FBF1: variants seen among roughly 807,000 people sequenced by gnomAD.
FBF1 encodes the protein fas-binding factor 1.
A neutral mutation model predicts 147.2 loss-of-function variants in FBF1; 119 were observed. The ratio of observed to expected loss-of-function variants is 0.81; its 90% CI spans 0.70 to 0.94. FBF1 has a LOEUF of 0.94. Among genes scored for constraint, FBF1 ranks in the 40% least tolerant of loss-of-function variants. The pLI is 0.00. For missense variants in FBF1, 1,449 were observed against 1,500.8 expected (o/e 0.97, Z 0.57); for synonymous variants, 601 against 609.0 (o/e 0.99, Z 0.19).
rs1038214641 is a variant in FBF1 at position 75,910,808 on chromosome 17, T to C, written c.3364-2A>G. ...TTCATTCTCCAAGAAGTCACGGTCC[T>C]GCAAGGCAGGTTTGGATGGGCGGTC... On this transcript the variant is annotated splice_acceptor_variant, in intron 29 of 29. Transcript: ENST00000636174. LOFTEE classifies it high-confidence loss of function. The surrounding 1 kb of genome is among the most constrained non-coding windows in gnomAD (Gnocchi z 4.1). 1.7e-5 allele frequency: 28 copies of C among 1,607,012 alleles called. No homozygotes were observed. In the African/African-American group the frequency reaches 3.7e-4, roughly 21 times the overall value.
At position 75,921,563 on chromosome 17, in the gene FBF1, G is replaced by A. The variant is rs1259796353; in HGVS notation, c.1527-3C>T. On this transcript the variant is annotated splice_region_variant and splice_polypyrimidine_tract_variant and intron_variant, in intron 15 of 29. Coordinates refer to ENST00000636174, the MANE Select transcript of FBF1 (RefSeq NM_001319193.2). The stretch of plus-strand genomic sequence containing the variant: ...CATGGTTCTGAGTCACAGGGGACCT[G>A]AGGACACAGGGATGGGGCATGGTGA... 4 of 1,608,270 alleles carry A rather than the reference G, an allele frequency of 2.5e-6. No individual in the cohort carries two copies. Among genetic ancestry groups the A allele is most frequent in the Non-Finnish European group, 3.4e-6 (4 of 1,177,014 alleles).
intron 6 of FBF1, chr17:75,930,259 CAGAG>C: frequency 1.7e-6 from 1 of 585,470 alleles, no homozygotes; most frequent in Non-Finnish European, 3.1e-6. Flanking sequence ...TTTAGAGACT[CAGAG>C]AGCACTGCCA....
At position 75,926,433 on chromosome 17, in the gene FBF1, G is replaced by C; in HGVS notation, c.596-7C>G. The stretch of plus-strand genomic sequence containing the variant: ...GTTAGAGGAATAGAGGGACCTGAAA[G>C]ACAAAACAAGGCCCAATGCCTGCAG... On this transcript the variant is annotated splice_polypyrimidine_tract_variant and splice_region_variant and intron_variant, in intron 10 of 29. Transcript: ENST00000636174. 6.4e-7 allele frequency: 1 copy of C among 1,551,014 alleles called. No homozygotes were observed. Among genetic ancestry groups the C allele is most frequent in the Non-Finnish European group, 8.7e-7 (1 of 1,151,052 alleles).
intron 11 of FBF1, 59 bp from the exon 12 acceptor site, chr17:75,926,222 C>A (rs993740243): frequency 2.2e-5 from 35 of 1,604,968 alleles, no homozygotes; most frequent in Non-Finnish European, 2.9e-5. Flanking sequence ...GGGAATCCCA[C>A]AGTACCCGTC....
intron 29 of FBF1, 111 bp downstream of exon 29, chr17:75,912,081 C>G: frequency 9.5e-7 from 1 of 1,056,626 alleles, no homozygotes; most frequent in South Asian, 1.4e-5. Flanking sequence ...GTTTTACTCC[C>G]CAGGAGCTGG....
In FBF1 at chr17:75,938,311, A is replaced by AG. The variant is rs1202747090; in HGVS notation, c.-83-80dup. Reference sequence around the variant, plus strand: ...GCCATGGCTCACGCCTGTTAATCCCAGCACTTTCAGAGGCCAAGGCGGGGG... The same window carrying AG: ...GCCATGGCTCACGCCTGTTAATCCCAGGCACTTTCAGAGGCCAAGGCGGGGG... On this transcript the variant is annotated intron_variant, in intron 1 of 29. Coordinates refer to ENST00000636174, the MANE Select transcript of FBF1 (RefSeq NM_001319193.2). 2.8e-6 allele frequency: 3 copies of AG among 1,055,662 alleles called. No individual in the cohort carries two copies. In the African/African-American group the frequency reaches 4.8e-5, roughly 17 times the overall value. 65.4% of individuals were successfully genotyped at this position (1,055,662 alleles called of 1,614,324 possible).
chr17:75,929,628 C>T (rs1407991021), intron 7 of FBF1, among the ~76,000 whole-genome samples: 1 of 152,128 alleles, frequency 6.6e-6, no homozygotes, highest in Non-Finnish European at 1.5e-5. Flanking sequence ...TTGAAGGGGG[C>T]TTGGCAGGGG....
intron 1 of FBF1, among the ~76,000 whole-genome samples, chr17:75,939,582 G>A (rs568392564): frequency 5.2e-4 from 79 of 151,762 alleles, no homozygotes; most frequent in Non-Finnish European, 1.1e-3. Flanking sequence ...TTTTTTTCGA[G>A]ACGGGGTCTC....
intron 23 of FBF1, among the ~76,000 whole-genome samples, chr17:75,916,725 A>C (rs2065491420): frequency 6.6e-6 from 1 of 152,278 alleles, no homozygotes; most frequent in South Asian, 2.1e-4. Flanking sequence ...GGTAGCATCG[A>C]AAGATTCATT....
intron 6 of FBF1, 88 bp from the exon 7 acceptor site, chr17:75,930,135 G>C: frequency 4.7e-6 from 5 of 1,059,218 alleles, no homozygotes; most frequent in Non-Finnish European, 7.1e-6. Context: ...CCTTGCTTCT[G>C]TTAGGGCAGA....
At chr17:75,937,982 G>A (rs750921971) in intron 2 of FBF1, 165 bp downstream of exon 2, 6 of 1,031,840 alleles carry the variant, frequency 5.8e-6, no homozygotes, top group Non-Finnish European at 8.6e-6. Context: ...AACCTTGGTC[G>A]TCGAAAGTTT....
chr17:75,936,610 G>A (rs56204566), intron 3 of FBF1, among the ~76,000 whole-genome samples: 152 of 152,222 alleles, frequency 1.0e-3, no homozygotes, highest in Middle Eastern at 3.4e-3. Flanking sequence ...GGGAGGCAGA[G>A]GTTGCAGTGA....
In FBF1 at chr17:75,919,969, T is replaced by C. The variant is rs2065513855; in HGVS notation, c.1931+38A>G. ...CACTGGGTGGCCTTTGGGGTCAGTGTGAGATCCAAGGCAGAGCTGGGGCCA... is the reference window on the plus strand; with the variant it reads ...CACTGGGTGGCCTTTGGGGTCAGTGCGAGATCCAAGGCAGAGCTGGGGCCA... On this transcript the variant is annotated intron_variant, in intron 19 of 29. Coordinates refer to ENST00000636174, the MANE Select transcript of FBF1 (RefSeq NM_001319193.2). This position sits in a 1 kb window ranked among gnomAD's most constrained non-coding sequence, Gnocchi z 5.0. The C allele has an allele frequency of 6.2e-7, 1 of 1,601,964 alleles. No homozygotes were observed. Among genetic ancestry groups the C allele is most frequent in the Non-Finnish European group, 8.5e-7 (1 of 1,170,118 alleles).
Position 75,928,310 on chromosome 17 carries a change from A to G in FBF1, c.280-117T>C. 1.3e-6 allele frequency: 1 copy of G among 783,654 alleles called. No homozygotes were observed. Among genetic ancestry groups the G allele is most frequent in the South Asian group, 1.6e-5 (1 of 63,136 alleles). 48.5% of individuals were successfully genotyped at this position (783,654 alleles called of 1,614,324 possible). A position where few individuals can be genotyped will look rare whatever the true frequency, so the allele number is the denominator to read the frequency against. On this transcript the variant is annotated intron_variant, in intron 7 of 29. Coordinates refer to ENST00000636174, the MANE Select transcript of FBF1 (RefSeq NM_001319193.2). This position sits in a 1 kb window ranked among gnomAD's most constrained non-coding sequence, Gnocchi z 4.2. ...GTAGAATTGTGAGAAAACAAAGGAAAATGAGAAAACTGTTGAGAAAAACAG... is the reference window on the plus strand; with the variant it reads ...GTAGAATTGTGAGAAAACAAAGGAAGATGAGAAAACTGTTGAGAAAAACAG...
At position 75,914,255 on chromosome 17, in the gene FBF1, T is replaced by C. The variant is rs773199429; in HGVS notation, c.2858A>G (p.Glu953Gly). ...LKIRASELRA[E>G]EKQLAAERAA... ...TCTCTCCGCTGCCAGCTGCTTCTCC[T>C]CGGCCCGGAGCTCGCTGGCCCTGAT... is the stretch of plus-strand genomic sequence containing the variant. The change falls in exon 26 of 30, where the codon GAG becomes GGG. Residue 953 changes from glutamate (E) to glycine (G), a missense_variant. Physicochemically the swap from Glu to Gly is moderately conservative, Grantham distance 98. Coordinates refer to ENST00000636174, the MANE Select transcript of FBF1 (RefSeq NM_001319193.2). 4.0e-5 allele frequency: 64 copies of C among 1,593,540 alleles called. No individual in the cohort carries two copies. The highest frequency in any genetic ancestry group is 5.4e-5 in the Non-Finnish European group (63 of 1,173,072).
In FBF1 at chr17:75,914,929, C is replaced by T. The variant is rs1437733338; in HGVS notation, c.2632G>A (p.Ala878Thr). The change falls in exon 25 of 30, where the codon GCC becomes ACC. Residue 878 changes from alanine (A) to threonine (T), a missense_variant. Transcript: ENST00000636174. Reference protein sequence around the residue: ...ERAELERAKSALLEEQKSVML... With the variant: ...ERAELERAKSTLLEEQKSVML... The stretch of plus-strand genomic sequence containing the variant: ...ACAGACTTCTGCTCCTCCAGCAAGG[C>T]GCTCTGGGATGTGGGGGTGAAGGCA... 6.2e-6 allele frequency: 10 copies of T among 1,610,958 alleles called. No individual in the cohort carries two copies. Among genetic ancestry groups the T allele is most frequent in the South Asian group, 1.1e-5 (1 of 90,826 alleles).
chr17:75,911,800 G>A (rs192108342), intron 29 of FBF1, among the ~76,000 whole-genome samples: 2 of 151,566 alleles, frequency 1.3e-5, no homozygotes, highest in East Asian at 3.9e-4. Context: ...TGTGAGCCAC[G>A]CACCTGGTCC....
chr17:75,921,909 G>A, intron 15 of FBF1, 36 bp downstream of exon 15: 1 of 1,509,872 alleles, frequency 6.6e-7, no homozygotes, highest in South Asian at 1.2e-5. Flanking sequence ...TGCCCACCAT[G>A]CTCTCATTCC....
chr17:75,933,312 G>GCCCAA (rs1221971634), intron 4 of FBF1, among the ~76,000 whole-genome samples: 1 of 152,108 alleles, frequency 6.6e-6, no homozygotes, highest in Non-Finnish European at 1.5e-5. Flanking sequence ...CAAATGAAGA[G>GCCCAA]CCCAACCCAA....
Sources: gnomAD v4.1 joint callset for allele counts (sites outside exome capture counted in the v4.1 genomes callset) on GRCh38, gnomAD v4.1.1 for gene constraint, Gnocchi (gnomAD v3.1) non-coding constraint, MANE v1.5 for transcripts, NCBI Gene and HGNC (gene_info 2026-07-23, HGNC 2026-07-21) for gene names.